Variants in CCDC91 observed in about 807,000 individuals in gnomAD.
CCDC91 encodes the protein coiled-coil domain-containing protein 91.
In CCDC91, 48 loss-of-function variants were observed where a neutral mutation model predicts 63.2. The observed-to-expected ratio is 0.76, with a 90% CI of 0.60 to 0.97. CCDC91 has a LOEUF of 0.97. Ranked by LOEUF, CCDC91 falls within the 50% of genes least tolerant of loss-of-function variation. The pLI, the probability that CCDC91 is intolerant of heterozygous loss-of-function variation, is 0.00. For missense variants in CCDC91, 500 were observed against 494.6 expected, an observed-to-expected ratio of 1.01 and a Z score of -0.10; for synonymous variants, 167 against 165.8, an observed-to-expected ratio of 1.01 and a Z score of -0.06.
intron 7 of CCDC91, among the ~76,000 whole-genome samples, chr12:28,390,663 T>G (rs1424590209): frequency 6.6e-6 from 1 of 152,154 alleles, no homozygotes; most frequent in Admixed American, 6.6e-5. Context: ...TTAAGTATGC[T>G]CAGCCTCCCA....
At position 28,535,180 on chromosome 12, in the gene CCDC91, G is replaced by A. The variant is rs1942050111; in HGVS notation, c.1216-13883G>A. ...AGTTTCATTTGGTACAGCTGTCTTG[G>A]TATTTCCTGAATACTTTTAAACTCC... On this transcript the variant is annotated intron_variant, in intron 12 of 12. Transcript: ENST00000536442. Among the ~76,000 whole-genome samples, 3 of 152,056 alleles carry A rather than the reference G, an allele frequency of 2.0e-5. No homozygotes were observed. In the South Asian group the frequency reaches 6.2e-4, roughly 32 times the overall value.
At chr12:28,280,874 G>C (rs930446991) in intron 3 of CCDC91, among the ~76,000 whole-genome samples, 1 of 150,810 alleles carries the variant, frequency 6.6e-6, no homozygotes, top group African/African-American at 2.4e-5. Flanking sequence ...CTACTTTTAA[G>C]TCTGAGGTGA....
intron 12 of CCDC91, among the ~76,000 whole-genome samples, chr12:28,519,228 A>G (rs11049690): frequency 4.6e-5 from 7 of 151,982 alleles, no homozygotes; most frequent in Non-Finnish European, 1.0e-4. Flanking sequence ...TTCTTTCAAC[A>G]GTGTTTTCTA....
intron 12 of CCDC91, among the ~76,000 whole-genome samples, chr12:28,504,262 A>T (rs1188672152): frequency 6.6e-6 from 1 of 151,896 alleles, no homozygotes; most frequent in Non-Finnish European, 1.5e-5. Flanking sequence ...GTAAGAAGAA[A>T]GTTTTTGTAC....
chr12:28,541,403 G>T (rs1426536075), intron 12 of CCDC91, among the ~76,000 whole-genome samples: 1 of 152,034 alleles, frequency 6.6e-6, no homozygotes, highest in East Asian at 1.9e-4. Flanking sequence ...AATCATTTGA[G>T]AATTTAAAGA....
intron 11 of CCDC91, among the ~76,000 whole-genome samples, chr12:28,481,550 A>G (rs950359237): frequency 3.3e-5 from 5 of 152,182 alleles, no homozygotes; most frequent in African/African-American, 9.6e-5. Context: ...AATTTATGGA[A>G]CCAACAAAAC....
At chr12:28,441,189 T>TGA (rs958177854) in intron 8 of CCDC91, among the ~76,000 whole-genome samples, 8 of 151,080 alleles carry the variant, frequency 5.3e-5, no homozygotes, top group African/African-American at 1.7e-4. Context: ...AAAACCATAA[T>TGA]GAGAGAGAGA....
rs559352164 is a variant in CCDC91 at position 28,396,879 on chromosome 12, T to C, written c.762+5468T>C. Among the ~76,000 whole-genome samples the C allele has an allele frequency of 2.0e-5, 3 of 152,266 alleles. No individual in the cohort carries two copies. In the South Asian group the frequency reaches 6.2e-4, roughly 32 times the overall value. On this transcript the variant is annotated intron_variant, in intron 8 of 12. Transcript: ENST00000536442. ...GGATATGTTGAGTTTATATTGCCTG[T>C]GCAAGATGCCAGAGCTGTCAGACAG... is the stretch of plus-strand genomic sequence containing the variant.
intron 6 of CCDC91, among the ~76,000 whole-genome samples, chr12:28,312,053 G>A (rs1193475360): frequency 6.6e-6 from 1 of 151,996 alleles, no homozygotes; most frequent in Non-Finnish European, 1.5e-5. Flanking sequence ...GATAGAAATA[G>A]GGAGAAGTGT....
chr12:28,488,506 A>G (rs1183186457), intron 12 of CCDC91, among the ~76,000 whole-genome samples: 1 of 151,886 alleles, frequency 6.6e-6, no homozygotes, highest in Non-Finnish European at 1.5e-5. Flanking sequence ...ATGCCTTTTT[A>G]TAAGAATTCT....
At chr12:28,466,043 G>C (rs553046195) in intron 11 of CCDC91, among the ~76,000 whole-genome samples, 1 of 151,384 alleles carries the variant, frequency 6.6e-6, no homozygotes, top group South Asian at 2.1e-4. Context: ...GAATGCATCA[G>C]AGCCTTTTAG....
At chr12:28,524,551 C>T (rs759075889) in intron 12 of CCDC91, among the ~76,000 whole-genome samples, 6 of 151,952 alleles carry the variant, frequency 3.9e-5, no homozygotes, top group East Asian at 1.9e-4. Context: ...GGATATTGGT[C>T]GGTAGTTTTC....
chr12:28,359,026 G>A (rs1162313448), intron 6 of CCDC91, among the ~76,000 whole-genome samples: 3 of 152,134 alleles, frequency 2.0e-5, no homozygotes, highest in Non-Finnish European at 2.9e-5. Context: ...CTCCCGAGTA[G>A]CTGGGACTAC....
At chr12:28,309,606 TAAATCCTGTTCTTC>T (rs1284440021) in intron 6 of CCDC91, among the ~76,000 whole-genome samples, 1 of 152,086 alleles carries the variant, frequency 6.6e-6, no homozygotes, top group African/African-American at 2.4e-5. Context: ...ATTTCCTATA[TAAATCCTGTTCTTC>T]AAATGCTTCT....
intron 3 of CCDC91, among the ~76,000 whole-genome samples, chr12:28,268,096 C>T (rs1947479053): frequency 1.4e-5 from 2 of 148,046 alleles, no homozygotes; most frequent in Admixed American, 1.4e-4. Context: ...CAGAGTCTTG[C>T]TCTGTTGCCC....
At chr12:28,295,099 G>C (rs191932183) in intron 3 of CCDC91, among the ~76,000 whole-genome samples, 47 of 152,230 alleles carry the variant, frequency 3.1e-4, no homozygotes, top group Admixed American at 3.0e-3. Context: ...GGAACTGATA[G>C]ACATGAAATT....
intron 8 of CCDC91, among the ~76,000 whole-genome samples, chr12:28,413,927 A>G (rs2139768787): frequency 6.6e-6 from 1 of 152,344 alleles, no homozygotes; most frequent in Admixed American, 6.5e-5. Context: ...TGAATACGGT[A>G]CATGTCCTTT....
chr12:28,539,460 G>T (rs573087588), intron 12 of CCDC91, among the ~76,000 whole-genome samples: 6 of 152,034 alleles, frequency 3.9e-5, no homozygotes, highest in Admixed American at 3.3e-4. Flanking sequence ...TGTTCCATTG[G>T]TCTATATCTC....
At chr12:28,202,100 T>G (rs1214839125) in intron 1 of CCDC91, among the ~76,000 whole-genome samples, 1 of 150,760 alleles carries the variant, frequency 6.6e-6, no homozygotes, top group East Asian at 1.9e-4. Context: ...CAATGTTTGT[T>G]TCTTTATTTT....
Sources: allele counts gnomAD v4.1 joint callset (sites outside exome capture counted in the v4.1 genomes callset), GRCh38; gene constraint gnomAD v4.1.1; transcripts MANE v1.5; gene names NCBI Gene and HGNC (gene_info 2026-07-23, HGNC 2026-07-21).